NXPE2: variants seen among roughly 807,000 people sequenced by gnomAD.
The protein encoded by NXPE2 is neurexophilin and PC-esterase domain family member 2.
Under a neutral mutation model 34.4 loss-of-function variants are expected in NXPE2, and 34 were observed. The ratio of observed to expected loss-of-function variants is 0.99; its 90% CI spans 0.75 to 1.31. The LOEUF is 1.31. Among genes scored for constraint, NXPE2 ranks in the 40% most tolerant of loss-of-function variants. The pLI is 0.00. For missense variants in NXPE2, 649 were observed against 672.5 expected, an observed-to-expected ratio of 0.97 and a Z score of 0.39; for synonymous variants, 235 against 231.3, an observed-to-expected ratio of 1.02 and a Z score of -0.15.
At chr11:114,540,982 C>T in the NXPE2 span, among the ~76,000 whole-genome samples, 6 of 148,828 alleles carry the variant, frequency 4.0e-5, no homozygotes, top group South Asian at 6.4e-4. Flanking sequence ...GCCGCAATTT[C>T]TGAGTATGAA....
the NXPE2 span, among the ~76,000 whole-genome samples, chr11:114,664,182 T>C: frequency 6.6e-6 from 1 of 152,204 alleles, no homozygotes; most frequent in Admixed American, 6.5e-5. Flanking sequence ...AATGCTGTAA[T>C]TCAGTGGCAA....
chr11:114,475,029 A>AT, the NXPE2 span, among the ~76,000 whole-genome samples: 1 of 152,148 alleles, frequency 6.6e-6, no homozygotes, highest in Non-Finnish European at 1.5e-5. Context: ...AATTTATGAC[A>AT]TTAGGAACAT....
the NXPE2 span, among the ~76,000 whole-genome samples, chr11:114,492,921 A>G: frequency 6.6e-6 from 1 of 152,154 alleles, no homozygotes; most frequent in Non-Finnish European, 1.5e-5. Context: ...TCCAATTATT[A>G]TTGTATTGGA....
At chr11:114,488,226 TTGGG>T in the NXPE2 span, among the ~76,000 whole-genome samples, 5 of 152,178 alleles carry the variant, frequency 3.3e-5, no homozygotes, top group Non-Finnish European at 7.4e-5. Flanking sequence ...TGACTTAATA[TTGGG>T]AGGTTTTACG....
chr11:114,630,395 G>C, the NXPE2 span, among the ~76,000 whole-genome samples: 4 of 151,650 alleles, frequency 2.6e-5, 1 homozygote, highest in South Asian at 4.1e-4. Context: ...TGATCTTTGA[G>C]AAACCTGAGA....
At chr11:114,582,225 G>C in the NXPE2 span, 2 of 1,489,618 alleles carry the variant, frequency 1.3e-6, no homozygotes, top group Non-Finnish European at 1.8e-6. Context: ...CTTTTCTTTG[G>C]ATCAGTATAT....
the NXPE2 span, among the ~76,000 whole-genome samples, chr11:114,557,652 T>C: frequency 3.2e-5 from 2 of 61,796 alleles, no homozygotes; most frequent in African/African-American, 6.0e-5. Context: ...TATATATATA[T>C]ATATATATAT....
the NXPE2 span, among the ~76,000 whole-genome samples, chr11:114,612,648 C>T: frequency 6.6e-6 from 1 of 151,182 alleles, no homozygotes; most frequent in African/African-American, 2.4e-5. Flanking sequence ...TCGTGGGTAA[C>T]CACGGTTACC....
chr11:114,583,808 G>T, the NXPE2 span: 1 of 432,032 alleles, frequency 2.3e-6, no homozygotes. Flanking sequence ...CATGGAAGAG[G>T]CCTTCTATAT....
chr11:114,577,757 C>T, the NXPE2 span, among the ~76,000 whole-genome samples: 1 of 152,060 alleles, frequency 6.6e-6, no homozygotes, highest in Non-Finnish European at 1.5e-5. Context: ...GAGGAAGGTA[C>T]TAATTGGTCT....
chr11:114,706,155 A>G (rs775880781), intron 5 of NXPE2, among the ~76,000 whole-genome samples, 159 bp downstream of exon 5: 2 of 151,198 alleles, frequency 1.3e-5, no homozygotes, highest in Non-Finnish European at 3.0e-5. Context: ...CTTTTAATAA[A>G]AAGTTAAATT....
the NXPE2 span, chr11:114,552,809 T>A: frequency 1.2e-6 from 1 of 854,824 alleles, no homozygotes; most frequent in Non-Finnish European, 1.4e-6. Flanking sequence ...AATCTCCTTT[T>A]CATAGATCTT....
the NXPE2 span, among the ~76,000 whole-genome samples, chr11:114,671,742 CA>C: frequency 6.6e-6 from 1 of 151,850 alleles, no homozygotes; most frequent in East Asian, 1.9e-4. Context: ...CTCAGATAAA[CA>C]AAACTGAGAG....
chr11:114,791,770 A>G, the NXPE2 span, among the ~76,000 whole-genome samples: 353 of 152,318 alleles, frequency 2.3e-3, 6 homozygotes, highest in Admixed American at 0.02. Context: ...ATGAAGAAGT[A>G]AAGATGTCAG....
chr11:114,758,994 C>G, the NXPE2 span, among the ~76,000 whole-genome samples: 13 of 151,954 alleles, frequency 8.6e-5, no homozygotes, highest in African/African-American at 3.1e-4. Flanking sequence ...TTTAATCATC[C>G]AAAGAAACAC....
chr11:114,631,459 T>A, the NXPE2 span, among the ~76,000 whole-genome samples: 152 of 135,236 alleles, frequency 1.1e-3, 2 homozygotes, highest in East Asian at 0.032. Context: ...CACTCATAGG[T>A]GGGAACTGAA....
chr11:114,789,677 C>T, the NXPE2 span, among the ~76,000 whole-genome samples: 1 of 152,184 alleles, frequency 6.6e-6, no homozygotes, highest in African/African-American at 2.4e-5. Flanking sequence ...AGAAAGGCTT[C>T]ACATCTGGGG....
chr11:114,707,028 T>C lies in NXPE2; in HGVS notation c.*98T>C. ...CAATCCAAGTTTTGAGGAAACTAAA[T>C]TTGAAAAAGTTCTATTAAAGTTAAA... On this transcript the variant is annotated 3_prime_UTR_variant, in exon 6 of 6. Transcript: ENST00000389586. 2 of 906,860 alleles carry C rather than the reference T, an allele frequency of 2.2e-6. No homozygotes were observed. Among genetic ancestry groups the C allele is most frequent in the Non-Finnish European group, 1.6e-6 (1 of 617,038 alleles). 56.2% of individuals were successfully genotyped at this position (906,860 alleles called of 1,614,324 possible).
the NXPE2 span, among the ~76,000 whole-genome samples, chr11:114,598,132 A>C: frequency 6.6e-6 from 1 of 152,202 alleles, no homozygotes; most frequent in African/African-American, 2.4e-5. Flanking sequence ...GGCAGAAAGA[A>C]AGCAGCTACA....
Sources: allele counts gnomAD v4.1 joint callset (sites outside exome capture counted in the v4.1 genomes callset), GRCh38; gene constraint gnomAD v4.1.1; transcripts MANE v1.5; gene names NCBI Gene and HGNC (gene_info 2026-07-23, HGNC 2026-07-21).